The following CDK14 variants were observed in gnomAD, a reference collection of about 807,000 sequenced individuals.
The protein encoded by CDK14 is cyclin dependent kinase 14, also known as cyclin-dependent kinase 14.
In CDK14, 34 loss-of-function variants were observed where a neutral mutation model predicts 60.7. The ratio of observed to expected loss-of-function variants is 0.56; its 90% CI spans 0.43 to 0.75. The LOEUF (loss-of-function observed/expected upper bound fraction) is 0.75. CDK14 is among the 30% of genes least tolerant of loss of function. The pLI is 0.00. For synonymous variants in CDK14, 197 were observed against 203.7 expected (o/e 0.97, Z 0.28); for missense variants, 482 against 564.1 (o/e 0.85, Z 1.47).
Position 90,876,204 on chromosome 7 carries a change from G to A in CDK14, c.639+12935G>A, listed in dbSNP as rs570992285. 7.2e-5 allele frequency among the ~76,000 whole-genome samples: 11 copies of A among 152,214 alleles called. No individual in the cohort carries two copies. The East Asian group carries it at 7.7e-4, about 11-fold the overall frequency. Reference sequence around the variant, plus strand: ...TGAGAAACCCTCAATGCCAGTATCCGTCTTTCCTGTGATGCTATGAGATTC... The same window carrying A: ...TGAGAAACCCTCAATGCCAGTATCCATCTTTCCTGTGATGCTATGAGATTC... On this transcript the variant is annotated intron_variant, in intron 6 of 14. Coordinates refer to ENST00000380050, the MANE Select transcript of CDK14 (RefSeq NM_001287135.2).
chr7:90,908,120 A>G (rs1157027837), intron 7 of CDK14, among the ~76,000 whole-genome samples: 1 of 152,098 alleles, frequency 6.6e-6, no homozygotes, highest in Non-Finnish European at 1.5e-5. Context: ...CTTTTTTTGA[A>G]TGTTTTCATC....
chr7:90,960,221 A>G (rs1266186675), intron 9 of CDK14, among the ~76,000 whole-genome samples: 1 of 152,162 alleles, frequency 6.6e-6, no homozygotes, highest in Non-Finnish European at 1.5e-5. Flanking sequence ...TGCAGCAAAT[A>G]AATGATTATC....
intron 14 of CDK14, among the ~76,000 whole-genome samples, chr7:91,118,768 A>G (rs775858835): frequency 1.8e-4 from 27 of 152,160 alleles, no homozygotes; most frequent in Admixed American, 7.9e-4. Context: ...CACTTCACCT[A>G]TTTCTGATTC....
At chr7:90,688,204 A>G (rs1251968176) in intron 2 of CDK14, among the ~76,000 whole-genome samples, 1 of 152,198 alleles carries the variant, frequency 6.6e-6, no homozygotes, top group Non-Finnish European at 1.5e-5. Context: ...CCTACATCTA[A>G]TAAAATGATT....
At chr7:90,641,335 A>C (rs1800324753) in intron 2 of CDK14, among the ~76,000 whole-genome samples, 1 of 152,152 alleles carries the variant, frequency 6.6e-6, no homozygotes, top group African/African-American at 2.4e-5. Context: ...CAAAGGACAG[A>C]GCAGCATTGT....
chr7:91,124,628 A>G (rs376511182), intron 14 of CDK14, among the ~76,000 whole-genome samples: 2 of 152,020 alleles, frequency 1.3e-5, no homozygotes, highest in African/African-American at 4.8e-5. Context: ...ATTTTTGTGA[A>G]TCAGCATTTC....
At chr7:90,744,164 G>A (rs961675304) in intron 3 of CDK14, among the ~76,000 whole-genome samples, 1 of 152,166 alleles carries the variant, frequency 6.6e-6, no homozygotes, top group Non-Finnish European at 1.5e-5. Context: ...GCGGCCTTCC[G>A]CAGTGTTTGT....
chr7:91,057,788 A>G (rs1797631972), intron 11 of CDK14, among the ~76,000 whole-genome samples: 1 of 152,262 alleles, frequency 6.6e-6, no homozygotes, highest in African/African-American at 2.4e-5. Flanking sequence ...TACCAATACC[A>G]TGCTGTTTTG....
At chr7:91,049,711 T>A (rs966977698) in intron 11 of CDK14, among the ~76,000 whole-genome samples, 31 of 152,380 alleles carry the variant, frequency 2.0e-4, no homozygotes, top group Middle Eastern at 3.4e-3. Flanking sequence ...AAATAACTTA[T>A]TTTTTAGTTA....
chr7:90,951,151 A>G (rs1021303488), intron 8 of CDK14, among the ~76,000 whole-genome samples: 2 of 152,188 alleles, frequency 1.3e-5, no homozygotes, highest in African/African-American at 4.8e-5. Context: ...TCCCAGTGTA[A>G]CTGTCTTATG....
At chr7:90,903,989 C>T (rs1792609172) in intron 7 of CDK14, among the ~76,000 whole-genome samples, 1 of 152,192 alleles carries the variant, frequency 6.6e-6, no homozygotes, top group East Asian at 1.9e-4. Context: ...ACTCCCCAGC[C>T]CTGGGGACAT....
At chr7:90,634,551 G>C (rs1800087966) in intron 2 of CDK14, among the ~76,000 whole-genome samples, 2 of 151,902 alleles carry the variant, frequency 1.3e-5, no homozygotes, top group Admixed American at 1.3e-4. Flanking sequence ...ATTTGGGTTG[G>C]TTCCAAGTCT....
At position 90,620,849 on chromosome 7, in the gene CDK14, A is replaced by G. The variant is rs371434896; in HGVS notation, c.123+16600A>G. Among the ~76,000 whole-genome samples the G allele has an allele frequency of 5.9e-5, 9 of 152,272 alleles. No individual in the cohort carries two copies. In the East Asian group the frequency reaches 1.7e-3, roughly 29 times the overall value. ...CTAATTTTAGGAACCTCCACATTTT[A>G]AAGAGGGGGAAACTGAGTCTGTAAA... On this transcript the variant is annotated intron_variant, in intron 2 of 14. Coordinates refer to ENST00000380050, the MANE Select transcript of CDK14 (RefSeq NM_001287135.2).
intron 14 of CDK14, among the ~76,000 whole-genome samples, chr7:91,149,120 A>T (rs1800749806): frequency 6.6e-6 from 1 of 152,228 alleles, no homozygotes; most frequent in South Asian, 2.1e-4. Flanking sequence ...GTCCATATCA[A>T]GATACTGAGT....
chr7:91,176,177 A>G (rs1403997202), intron 14 of CDK14, among the ~76,000 whole-genome samples: 2 of 152,210 alleles, frequency 1.3e-5, no homozygotes, highest in East Asian at 1.9e-4. Context: ...GCTCAACTAC[A>G]TGGAAACTGA....
chr7:90,881,024 G>A (rs1791732176), intron 6 of CDK14, among the ~76,000 whole-genome samples: 1 of 152,156 alleles, frequency 6.6e-6, no homozygotes, highest in Admixed American at 6.5e-5. Context: ...AAAGGCTAGA[G>A]GGCCTCTTCT....
At chr7:90,655,850 T>C (rs987657542) in intron 2 of CDK14, among the ~76,000 whole-genome samples, 13 of 152,220 alleles carry the variant, frequency 8.5e-5, no homozygotes, top group Non-Finnish European at 1.8e-4. Flanking sequence ...TGACTCATGC[T>C]GAAACACCCT....
intron 6 of CDK14, among the ~76,000 whole-genome samples, chr7:90,877,517 G>T (rs1791602735): frequency 6.6e-6 from 1 of 152,138 alleles, no homozygotes; most frequent in Non-Finnish European, 1.5e-5. Flanking sequence ...TGGTTTTAAA[G>T]CTTTGGATCT....
At chr7:90,910,372 T>C (rs1030160371) in intron 7 of CDK14, among the ~76,000 whole-genome samples, 1 of 152,202 alleles carries the variant, frequency 6.6e-6, no homozygotes, top group Non-Finnish European at 1.5e-5. Flanking sequence ...AGACCTAGTA[T>C]TGCAGTTAAA....
Sources: allele counts gnomAD v4.1 joint callset (sites outside exome capture counted in the v4.1 genomes callset), GRCh38; gene constraint gnomAD v4.1.1; transcripts MANE v1.5; gene names NCBI Gene and HGNC (gene_info 2026-07-23, HGNC 2026-07-21).